Variants in TTC39B observed in about 807,000 individuals in gnomAD.
The protein encoded by TTC39B is tetratricopeptide repeat protein 39B.
A neutral mutation model predicts 96.6 loss-of-function variants in TTC39B; 92 were observed. The observed-to-expected ratio is 0.95, with a 90% confidence interval of 0.80 to 1.13. TTC39B has a LOEUF of 1.13. Among genes scored for constraint, TTC39B ranks in the 50% most tolerant of loss-of-function variants. The pLI is 0.00. For synonymous variants in TTC39B, 367 were observed against 299.4 expected, an observed-to-expected ratio of 1.23 and a Z score of -2.33; for missense variants, 955 against 809.3, an observed-to-expected ratio of 1.18 and a Z score of -2.18.
At chr9:15,178,418 A>AT (rs957632941) in intron 17 of TTC39B, among the ~76,000 whole-genome samples, 1 of 152,028 alleles carries the variant, frequency 6.6e-6, no homozygotes, top group Admixed American at 6.5e-5. Context: ...ACAAAAAAAA[A>AT]TTTTTTTAAT....
chr9:15,254,093 G>A (rs55998824), intron 2 of TTC39B, among the ~76,000 whole-genome samples: 30,934 of 151,422 alleles, frequency 0.2, 4,398 homozygotes, highest in African/African-American at 0.41. Context: ...ATAGCTTAAT[G>A]CTTGATGTAA....
chr9:15,223,747 G>A (rs1403053736), intron 3 of TTC39B, among the ~76,000 whole-genome samples: 1 of 151,886 alleles, frequency 6.6e-6, no homozygotes, highest in Non-Finnish European at 1.5e-5. Flanking sequence ...TATGAAAACT[G>A]CAAATGTGAG....
At chr9:15,184,536 T>C (rs1564318760) in intron 16 of TTC39B, among the ~76,000 whole-genome samples, 1 of 152,172 alleles carries the variant, frequency 6.6e-6, no homozygotes, top group Non-Finnish European at 1.5e-5. Flanking sequence ...AGAAGAGTCA[T>C]AGTAACTTGA....
chr9:15,256,055 C>T (rs1822739595), intron 2 of TTC39B, among the ~76,000 whole-genome samples: 1 of 152,140 alleles, frequency 6.6e-6, no homozygotes, highest in Non-Finnish European at 1.5e-5. Flanking sequence ...TATGTTGAAA[C>T]CTAACCCCCA....
intron 2 of TTC39B, chr9:15,250,144 A>G (rs938341502): frequency 4.9e-6 from 6 of 1,215,956 alleles, no homozygotes; most frequent in Non-Finnish European, 6.3e-6. Flanking sequence ...ACAGCATCCC[A>G]GGGCTTTCCA....
intron 1 of TTC39B, among the ~76,000 whole-genome samples, chr9:15,285,185 C>T (rs949153746): frequency 1.3e-5 from 2 of 151,492 alleles, no homozygotes; most frequent in South Asian, 2.1e-4. Context: ...AGGAGAATGG[C>T]GTGAACCCGG....
chr9:15,175,200 T>C, intron 18 of TTC39B, 65 bp from the exon 19 acceptor site: 4 of 1,131,860 alleles, frequency 3.5e-6, no homozygotes, highest in Non-Finnish European at 5.2e-6. Flanking sequence ...TTTCTAAATA[T>C]ATATTATTCC....
chr9:15,168,074 A>G (rs1202244194), exon 20 of TTC39B: 1 of 152,236 alleles, frequency 6.6e-6, no homozygotes, highest in East Asian at 1.9e-4. Context: ...GACAGCAAGT[A>G]AAAGCCAGAA....
At chr9:15,208,858 C>T (rs527252694) in intron 6 of TTC39B, among the ~76,000 whole-genome samples, 2 of 152,286 alleles carry the variant, frequency 1.3e-5, no homozygotes, top group African/African-American at 2.4e-5. Flanking sequence ...AGTTCTCCAA[C>T]GTCCATAACA....
chr9:15,281,748 C>A (rs1376801851), intron 1 of TTC39B, among the ~76,000 whole-genome samples: 8 of 151,210 alleles, frequency 5.3e-5, no homozygotes, highest in Admixed American at 4.6e-4. Flanking sequence ...ACAATCTAGG[C>A]TCACTGCAAT....
intron 2 of TTC39B, among the ~76,000 whole-genome samples, chr9:15,266,710 G>A (rs1823144312): frequency 1.3e-5 from 2 of 152,060 alleles, no homozygotes; most frequent in Admixed American, 6.5e-5. Flanking sequence ...TTTAAATATG[G>A]AGCCTTTGGG....
intron 1 of TTC39B, 21 bp downstream of exon 1, chr9:15,307,063 G>T (rs371407021): frequency 1.1e-4 from 176 of 1,607,206 alleles, no homozygotes; most frequent in Admixed American, 2.7e-4. Context: ...GGCCGGGCCC[G>T]CAATCCCCAT....
At chr9:15,303,307 T>A (rs1824658584) in intron 1 of TTC39B, among the ~76,000 whole-genome samples, 1 of 152,054 alleles carries the variant, frequency 6.6e-6, no homozygotes, top group East Asian at 1.9e-4. Flanking sequence ...AATCAACTTT[T>A]CAAAAAACAT....
At chr9:15,164,203 G>T (rs1407126727) in exon 20 of TTC39B, 1 of 152,308 alleles carries the variant, frequency 6.6e-6, no homozygotes, top group African/African-American at 2.4e-5. Context: ...AACTGTGACT[G>T]CTGAGAGTGG....
intron 4 of TTC39B, among the ~76,000 whole-genome samples, chr9:15,213,306 T>C (rs1348980568): frequency 6.6e-6 from 1 of 152,166 alleles, no homozygotes; most frequent in East Asian, 1.9e-4. Flanking sequence ...AAGACAACAC[T>C]GGAAAATTTC....
chr9:15,286,850 C>T (rs72700673), intron 1 of TTC39B, among the ~76,000 whole-genome samples: 18 of 152,232 alleles, frequency 1.2e-4, no homozygotes, highest in Non-Finnish European at 2.4e-4. Flanking sequence ...TTCTATGGCC[C>T]GTAATACTCC....
chr9:15,187,761 T>G (rs1396318175), intron 14 of TTC39B, among the ~76,000 whole-genome samples: 1 of 152,226 alleles, frequency 6.6e-6, no homozygotes, highest in Non-Finnish European at 1.5e-5. Context: ...CATTTGGCCC[T>G]GAAAAGAACA....
intron 18 of TTC39B, among the ~76,000 whole-genome samples, chr9:15,176,698 A>G (rs760199316): frequency 6.6e-6 from 1 of 152,198 alleles, no homozygotes; most frequent in African/African-American, 2.4e-5. Context: ...TTGGGCCCAC[A>G]CTGTGCAAAG....
intron 1 of TTC39B, among the ~76,000 whole-genome samples, chr9:15,297,165 T>G (rs1645346000): frequency 6.6e-6 from 1 of 152,166 alleles, no homozygotes; most frequent in South Asian, 2.1e-4. Context: ...TCACCACGCC[T>G]GAGGAGCGCA....
Sources: gnomAD v4.1 joint callset for allele counts (sites outside exome capture counted in the v4.1 genomes callset) on GRCh38, gnomAD v4.1.1 for gene constraint, MANE v1.5 for transcripts, NCBI Gene and HGNC (gene_info 2026-07-23, HGNC 2026-07-21) for gene names.